The following OR7A17 variants were observed in gnomAD, a reference collection of about 807,000 sequenced individuals.
The protein encoded by OR7A17 is olfactory receptor family 7 subfamily A member 17.
For missense variants in OR7A17, 366 were observed against 365.5 expected (o/e 1.00, Z -0.01); for synonymous variants, 159 against 142.1 (o/e 1.12, Z -0.85).
At chr19:14,882,691 C>CT in intron 1 of OR7A17, among the ~76,000 whole-genome samples, 1 of 152,172 alleles carries the variant, frequency 6.6e-6, no homozygotes, top group Non-Finnish European at 1.5e-5. Context: ...TGCATCCCCT[C>CT]TTTTTTTCCC....
rs549342970 is a variant in OR7A17 at position 14,878,419 on chromosome 19, A to T, written c.*2007T>A. On this transcript the variant is annotated 3_prime_UTR_variant, in exon 3 of 3. Coordinates refer to ENST00000641113, the MANE Select transcript of OR7A17 (RefSeq NM_030901.2). ...TGAACTGATGATAAGTTAAATACAC[A>T]CATTGTTCACTTACCTACATTTTAA... The T allele has an allele frequency of 1.3e-5, 2 of 152,366 alleles. No individual in the cohort carries two copies. The highest frequency in any genetic ancestry group is 2.1e-4 in the South Asian group (1 of 4,828). 9.4% of individuals were successfully genotyped at this position (152,366 alleles called of 1,614,324 possible).
rs2045102640 is a variant in OR7A17 at position 14,880,585 on chromosome 19, A to C, written c.771T>G (p.Gly257=). The C allele has an allele frequency of 4.3e-6, 7 of 1,614,000 alleles. No individual in the cohort carries two copies. Among genetic ancestry groups the C allele is most frequent in the Non-Finnish European group, 5.9e-6 (7 of 1,180,024 alleles). The change falls in exon 3 of 3, where the codon GGT becomes GGG. Residue 257 remains glycine (G), a synonymous_variant. Coordinates refer to ENST00000641113, the MANE Select transcript of OR7A17 (RefSeq NM_030901.2). ...VVSLFCCTGL[G]VYLTSAATHN... ...GGGTTGCAGCAGAAGTAAGGTACAC[A>C]CCTAGGCCCGTACAACAAAATAAAG...
rs1314816296 is a variant in OR7A17, at chr19:14,880,434, T to C, written c.922A>G (p.Lys308Glu). 5 of 1,582,802 alleles carry C rather than the reference T, an allele frequency of 3.2e-6. No homozygotes were observed. Among genetic ancestry groups the C allele is most frequent in the Non-Finnish European group, 4.3e-6 (5 of 1,165,170 alleles). Residue 308 changes from lysine (K) to glutamate (E), a missense_variant, in exon 3 of 3, where the codon AAG becomes GAG. Transcript: ENST00000641113. ...CTTGAAAAATGGCCCTTTTATTGCT[T>C]TCCTCTGAAGGACATTTTCAGAGCC... ...KRALKMSFRG[K>E]Q
chr19:14,883,281 A>G (rs995486152), intron 1 of OR7A17, among the ~76,000 whole-genome samples: 5 of 152,132 alleles, frequency 3.3e-5, no homozygotes, highest in African/African-American at 1.2e-4. Context: ...CTGTACTAAA[A>G]ATACAAAAAT....
chr19:14,883,671 T>G (rs2045123184), intron 1 of OR7A17, among the ~76,000 whole-genome samples: 1 of 152,058 alleles, frequency 6.6e-6, no homozygotes, highest in African/African-American at 2.4e-5. Flanking sequence ...CTGTATTATG[T>G]AGAAAAAAAT....
chr19:14,880,630 T>A lies in OR7A17; in HGVS notation c.726A>T (p.Ala242=), dbSNP rs765732763. 4.3e-6 allele frequency: 7 copies of A among 1,614,026 alleles called. No individual in the cohort carries two copies. The African/African-American group carries it at 6.7e-5, about 15-fold the overall frequency. ...ATAAAGAGACAACTGAGAGGTGTGA[T>A]GCACAGGTGGAAAATGCCTTGTACT... ...QGKYKAFSTC[A]SHLSVVSLFC... Residue 242 remains alanine, a synonymous_variant, in exon 3 of 3, where the codon GCA becomes GCT. Transcript: ENST00000641113.
chr19:14,885,674 A>T (rs1346614935), intron 1 of OR7A17, among the ~76,000 whole-genome samples: 1 of 138,416 alleles, frequency 7.2e-6, no homozygotes, highest in African/African-American at 2.5e-5. Context: ...GGAAGAATCA[A>T]TATCTTGAAA....
At position 14,885,968 on chromosome 19, in the gene OR7A17, T is replaced by C. The variant is rs1252410277; in HGVS notation, c.-322A>G. ...TACTGAGTTTTCTGAAAGGAAGGTC[T>C]CCATGGAGAAGTGTAAATTCCTCTC... On this transcript the variant is annotated 5_prime_UTR_variant, in exon 1 of 3. Coordinates refer to ENST00000641113, the MANE Select transcript of OR7A17 (RefSeq NM_030901.2). 6.6e-6 allele frequency: 1 copy of C among 152,158 alleles called. No homozygotes were observed. The highest frequency in any genetic ancestry group is 1.5e-5 in the Non-Finnish European group (1 of 68,042). The allele number at this position is 152,158 out of a possible 1,614,324, so 9.4% of individuals were successfully genotyped here. A position where few individuals can be genotyped will look rare whatever the true frequency, so the allele number is the denominator to read the frequency against.
In OR7A17 at chr19:14,880,209, C is replaced by CAAAAAAAAAAAAAAAAAA. The variant is rs3030635; in HGVS notation, c.*199_*216dup. ...AAACATTGGGAAAGTAGGAAAATGACAAAAAAAAAAAAAAAAAAAAGATTG... is the reference window on the plus strand; with the variant it reads ...AAACATTGGGAAAGTAGGAAAATGACAAAAAAAAAAAAAAAAAAAAAAAAAAAAAAAAAAAAAAGATTG... On this transcript the variant is annotated 3_prime_UTR_variant, in exon 3 of 3. Coordinates refer to ENST00000641113, the MANE Select transcript of OR7A17 (RefSeq NM_030901.2). 1 of 167,026 alleles carries CAAAAAAAAAAAAAAAAAA rather than the reference C, an allele frequency of 6.0e-6. No homozygotes were observed. Among genetic ancestry groups the CAAAAAAAAAAAAAAAAAA allele is most frequent in the African/African-American group, 2.9e-5 (1 of 34,858 alleles). The allele number at this position is 167,026 out of a possible 1,614,324, so 10.3% of individuals were successfully genotyped here.
chr19:14,885,758 A>C (rs1174063258), intron 1 of OR7A17, among the ~76,000 whole-genome samples, 183 bp downstream of exon 1: 1 of 152,256 alleles, frequency 6.6e-6, no homozygotes, highest in Non-Finnish European at 1.5e-5. Context: ...TTCTTTACAG[A>C]GTTACAAAAA....
intron 1 of OR7A17, among the ~76,000 whole-genome samples, chr19:14,883,488 C>T (rs1487538397): frequency 1.3e-5 from 2 of 151,986 alleles, no homozygotes; most frequent in African/African-American, 2.4e-5. Context: ...ACTATGATAA[C>T]TGTCTCCTTT....
chr19:14,881,110 G>C lies in OR7A17; in HGVS notation c.246C>G (p.Leu82=). The stretch of plus-strand genomic sequence containing the variant: ...CTCTGCTCTGTGTCTGGATGTTAAT[G>C]AGCATCTTTGGGATTGTAGTGGAGA... ...CFISTTIPKM[L]INIQTQSRVI... The change falls in exon 3 of 3, where the codon CTC becomes CTG. Residue 82 remains leucine (L), a synonymous_variant. Coordinates refer to ENST00000641113, the MANE Select transcript of OR7A17 (RefSeq NM_030901.2). 6.2e-7 allele frequency: 1 copy of C among 1,614,182 alleles called. No homozygotes were observed. Among genetic ancestry groups the C allele is most frequent in the Non-Finnish European group, 8.5e-7 (1 of 1,180,036 alleles).
Position 14,878,437 on chromosome 19 carries a change from C to T in OR7A17, c.*1989G>A, listed in dbSNP as rs1326619047. Reference sequence around the variant, plus strand: ...AATACACACATTGTTCACTTACCTACATTTTAATGGCTAAGACACAATATT... The same window carrying T: ...AATACACACATTGTTCACTTACCTATATTTTAATGGCTAAGACACAATATT... On this transcript the variant is annotated 3_prime_UTR_variant, in exon 3 of 3. Coordinates refer to ENST00000641113, the MANE Select transcript of OR7A17 (RefSeq NM_030901.2). The T allele has an allele frequency of 6.6e-6, 1 of 152,194 alleles. No individual in the cohort carries two copies. Among genetic ancestry groups the T allele is most frequent in the Non-Finnish European group, 1.5e-5 (1 of 68,030 alleles). The allele number at this position is 152,194 out of a possible 1,614,324, so 9.4% of individuals were successfully genotyped here. A position where few individuals can be genotyped will look rare whatever the true frequency, so the allele number is the denominator to read the frequency against.
intron 1 of OR7A17, chr19:14,884,739 A>G (rs2045128499): frequency 6.6e-6 from 1 of 152,216 alleles, no homozygotes; most frequent in African/African-American, 2.4e-5. Context: ...ATTTCAAACA[A>G]TGGAAAAAGA....
Position 14,881,321 on chromosome 19 carries a change from A to C in OR7A17, c.35T>G (p.Phe12Cys), listed in dbSNP as rs2045110274. The change falls in exon 3 of 3, where the codon TTT becomes TGT. Residue 12 changes from phenylalanine to cysteine, a missense_variant. Coordinates refer to ENST00000641113, the MANE Select transcript of OR7A17 (RefSeq NM_030901.2). ...EPENDTGISE[F>C]VLLGLSEEPE... is the part of the protein sequence containing the mutation. ...TTCCTCAGAAAGTCCCAGAAGAACA[A>C]ATTCTGAAATCCCTGTGTCATTCTC... 6.3e-7 allele frequency: 1 copy of C among 1,575,744 alleles called. No homozygotes were observed. Among genetic ancestry groups the C allele is most frequent in the African/African-American group, 1.4e-5 (1 of 73,960 alleles).
chr19:14,882,802 T>C (rs2045118651), intron 1 of OR7A17, among the ~76,000 whole-genome samples: 1 of 152,182 alleles, frequency 6.6e-6, no homozygotes. Flanking sequence ...TAAAGGTGCG[T>C]GCGCGCACGC....
chr19:14,881,086 T>G lies in OR7A17; in HGVS notation c.270A>C (p.Arg90Ser). 6.2e-7 allele frequency: 1 copy of G among 1,614,224 alleles called. No individual in the cohort carries two copies. Among genetic ancestry groups the G allele is most frequent in the Non-Finnish European group, 8.5e-7 (1 of 1,180,038 alleles). Reference protein sequence around the residue: ...KMLINIQTQSRVITYAGCITQ... With the variant: ...KMLINIQTQSSVITYAGCITQ... ...TGATGCAGCCTGCATAGGTGATGAC[T>G]CTGCTCTGTGTCTGGATGTTAATGA... is the stretch of plus-strand genomic sequence containing the variant. Residue 90 changes from arginine to serine, a missense_variant, in exon 3 of 3, where the codon AGA becomes AGC. Transcript: ENST00000641113.
rs1285212701 is a variant in OR7A17 at position 14,880,843 on chromosome 19, G to C, written c.513C>G (p.Asp171Glu). 1 of 1,614,184 alleles carries C rather than the reference G, an allele frequency of 6.2e-7. No individual in the cohort carries two copies. The highest frequency in any genetic ancestry group is 2.2e-5 in the East Asian group (1 of 44,886). The change falls in exon 3 of 3, where the codon GAC becomes GAG. Residue 171 changes from aspartate (D) to glutamate (E), a missense_variant. Asp to Glu is a conservative substitution (Grantham distance 45, BLOSUM62 2). Coordinates refer to ENST00000641113, the MANE Select transcript of OR7A17 (RefSeq NM_030901.2). The stretch of plus-strand genomic sequence containing the variant: ...CACAGAAAAAGTGGGGGATTTCCAA[G>C]TCTGTGCAGAAGGACAGCCACAATA... ...LMVLWLSFCT[D>E]LEIPHFFCEL...
rs1224539658 is a variant in OR7A17, at chr19:14,881,419, G to T, written c.-64C>A. ...TTATTTATTTATTAACATAGACAGG[G>T]TCTCTCACTCTGTTGCCAACGCTGG... On this transcript the variant is annotated 5_prime_UTR_variant, in exon 3 of 3. Coordinates refer to ENST00000641113, the MANE Select transcript of OR7A17 (RefSeq NM_030901.2). 2 of 1,039,840 alleles carry T rather than the reference G, an allele frequency of 1.9e-6. No individual in the cohort carries two copies. Among genetic ancestry groups the T allele is most frequent in the Non-Finnish European group, 1.2e-6 (1 of 802,470 alleles). The allele number at this position is 1,039,840 out of a possible 1,614,324, so 64.4% of individuals were successfully genotyped here.
Sources: gnomAD v4.1 joint callset for allele counts (sites outside exome capture counted in the v4.1 genomes callset) on GRCh38, gnomAD v4.1.1 for gene constraint, MANE v1.5 for transcripts, NCBI Gene and HGNC (gene_info 2026-07-23, HGNC 2026-07-21) for gene names.